PCDH9: variants seen among roughly 807,000 people sequenced by gnomAD.
PCDH9 encodes protocadherin 9.
In PCDH9, 24 loss-of-function variants were observed where a neutral mutation model predicts 70.6. The observed-to-expected ratio is 0.34, with a 90% confidence interval of 0.25 to 0.48. The LOEUF is 0.48. PCDH9 is among the 20% of genes least tolerant of loss of function. The probability of loss-of-function intolerance (pLI) is 0.99; values close to 1 mark genes in which losing one functional copy is unlikely to be tolerated. For synonymous variants in PCDH9, 562 were observed against 558.5 expected, an observed-to-expected ratio of 1.01 and a Z score of -0.09; for missense variants, 1,281 against 1,503.6, an observed-to-expected ratio of 0.85 and a Z score of 2.45.
At chr13:66,532,163 A>G (rs954238823) in intron 4 of PCDH9, among the ~76,000 whole-genome samples, 12 of 143,768 alleles carry the variant, frequency 8.3e-5, no homozygotes, top group African/African-American at 2.5e-4. Context: ...GCTATTTTTT[A>G]GTGGTTTTTT....
chr13:67,205,385 T>C (rs1305072792), intron 2 of PCDH9: 2 of 152,204 alleles, frequency 1.3e-5, no homozygotes, highest in Non-Finnish European at 2.9e-5. Flanking sequence ...TTCTGCTTAC[T>C]ATACTTATCA....
chr13:66,690,770 C>A (rs2078472138), intron 3 of PCDH9, among the ~76,000 whole-genome samples: 1 of 152,058 alleles, frequency 6.6e-6, no homozygotes. Context: ...TGAATTCTTT[C>A]CACAGGAAAA....
intron 3 of PCDH9, among the ~76,000 whole-genome samples, chr13:66,708,164 C>T (rs1173875205): frequency 1.3e-5 from 2 of 150,898 alleles, no homozygotes; most frequent in Non-Finnish European, 3.0e-5. Flanking sequence ...ATTCTCCTGC[C>T]TCAGCCTCCC....
At chr13:66,739,233 GC>G in intron 3 of PCDH9, among the ~76,000 whole-genome samples, 1 of 124,954 alleles carries the variant, frequency 8.0e-6, no homozygotes, top group African/African-American at 2.8e-5. Context: ...TTCATATCCA[GC>G]CAAACTAAGC....
chr13:67,040,198 C>T (rs1269264186), intron 2 of PCDH9, among the ~76,000 whole-genome samples: 1 of 152,154 alleles, frequency 6.6e-6, no homozygotes, highest in Non-Finnish European at 1.5e-5. Context: ...TATGTCCCCC[C>T]AGACGTTATA....
At chr13:66,623,784 T>C (rs1209637979) in intron 4 of PCDH9, among the ~76,000 whole-genome samples, 1 of 152,210 alleles carries the variant, frequency 6.6e-6, no homozygotes, top group Non-Finnish European at 1.5e-5. Context: ...TGAATTTCAG[T>C]TTACTTATAA....
chr13:67,050,983 C>T (rs1365681038), intron 2 of PCDH9, among the ~76,000 whole-genome samples: 1 of 152,130 alleles, frequency 6.6e-6, no homozygotes, highest in East Asian at 1.9e-4. Flanking sequence ...GCTCAACAAG[C>T]AATAGATATA....
At chr13:66,447,112 C>T (rs1958106218) in intron 4 of PCDH9, among the ~76,000 whole-genome samples, 1 of 151,962 alleles carries the variant, frequency 6.6e-6, no homozygotes. Flanking sequence ...ATAAAAAATG[C>T]ATACTTCTCT....
At chr13:66,756,624 T>C (rs980991646) in intron 3 of PCDH9, among the ~76,000 whole-genome samples, 50 of 152,196 alleles carry the variant, frequency 3.3e-4, no homozygotes, top group African/African-American at 1.2e-3. Flanking sequence ...TCCATGTTTC[T>C]ATAGCCCCAT....
chr13:66,519,084 A>T (rs1959873982), intron 4 of PCDH9, among the ~76,000 whole-genome samples: 1 of 152,186 alleles, frequency 6.6e-6, no homozygotes, highest in East Asian at 1.9e-4. Flanking sequence ...CCACACAGAA[A>T]TAATAGTGCA....
intron 4 of PCDH9, among the ~76,000 whole-genome samples, chr13:66,605,831 C>T (rs2077216185): frequency 6.6e-6 from 1 of 151,816 alleles, no homozygotes; most frequent in African/African-American, 2.4e-5. Flanking sequence ...GATAGTAAGA[C>T]TTCATACACC....
intron 2 of PCDH9, among the ~76,000 whole-genome samples, chr13:67,035,430 T>C (rs534491582): frequency 2.0e-5 from 3 of 152,158 alleles, no homozygotes; most frequent in South Asian, 2.1e-4. Context: ...CAGCTTTCAG[T>C]TTCTTAAGTG....
intron 4 of PCDH9, among the ~76,000 whole-genome samples, chr13:66,462,480 A>G (rs1958442846): frequency 6.6e-6 from 1 of 151,866 alleles, no homozygotes; most frequent in African/African-American, 2.4e-5. Flanking sequence ...CAGAGTTCAA[A>G]TTATCTATGA....
At chr13:66,922,803 C>T (rs1024088939) in intron 2 of PCDH9, among the ~76,000 whole-genome samples, 5 of 151,318 alleles carry the variant, frequency 3.3e-5, no homozygotes, top group African/African-American at 1.2e-4. Context: ...ATGATAGAGC[C>T]AACCACAACT....
chr13:66,702,325 G>A (rs894536428), intron 3 of PCDH9, among the ~76,000 whole-genome samples: 6 of 152,100 alleles, frequency 3.9e-5, no homozygotes, highest in East Asian at 1.9e-4. Context: ...CAGGTTTTCC[G>A]TTTTAGAAAA....
At chr13:66,678,796 A>T (rs1471109685) in intron 3 of PCDH9, among the ~76,000 whole-genome samples, 2 of 151,920 alleles carry the variant, frequency 1.3e-5, no homozygotes, top group Non-Finnish European at 2.9e-5. Context: ...TTCCCTACTC[A>T]GACTTCTGAA....
chr13:66,938,049 A>G (rs2082946075), intron 2 of PCDH9, among the ~76,000 whole-genome samples: 1 of 152,200 alleles, frequency 6.6e-6, no homozygotes, highest in Non-Finnish European at 1.5e-5. Flanking sequence ...ATTACACCAC[A>G]GTGCTCTAAA....
chr13:66,588,895 A>T (rs1227575010), intron 4 of PCDH9, among the ~76,000 whole-genome samples: 2 of 151,514 alleles, frequency 1.3e-5, no homozygotes, highest in Non-Finnish European at 2.9e-5. Context: ...AGAACTTTTT[A>T]AAAATTTCAT....
chr13:67,043,663 G>GA (rs537523200), intron 2 of PCDH9, among the ~76,000 whole-genome samples: 131 of 152,242 alleles, frequency 8.6e-4, no homozygotes, highest in Middle Eastern at 3.4e-3. Context: ...AAAGTGTATG[G>GA]AAAAATATTG....
Sources: gnomAD v4.1 joint callset for allele counts (sites outside exome capture counted in the v4.1 genomes callset) on GRCh38, gnomAD v4.1.1 for gene constraint, MANE v1.5 for transcripts, NCBI Gene and HGNC (gene_info 2026-07-23, HGNC 2026-07-21) for gene names.